The following DGKD variants were observed in gnomAD, a reference collection of about 807,000 sequenced individuals.
The protein encoded by DGKD is diacylglycerol kinase delta.
DGKD carries 68 observed loss-of-function variants against 154.4 expected under a neutral mutation model. That is an observed-to-expected ratio of 0.44 (90% CI 0.36 to 0.54). DGKD has a LOEUF of 0.54. DGKD is among the 20% of genes least tolerant of loss of function. The pLI, the probability that DGKD is intolerant of heterozygous loss-of-function variation, is 0.00. For synonymous variants in DGKD, 693 were observed against 638.0 expected (o/e 1.09, Z -1.30); for missense variants, 1,343 against 1,593.6 (o/e 0.84, Z 2.68).
chr2:233,447,169 G>A (rs1464574924), intron 12 of DGKD, among the ~76,000 whole-genome samples: 3 of 140,460 alleles, frequency 2.1e-5, no homozygotes, highest in Admixed American at 1.4e-4. Context: ...TGCTCTAGCC[G>A]GCTCTGCCGC....
At chr2:233,403,889 C>T (rs189886639) in intron 3 of DGKD, among the ~76,000 whole-genome samples, 1,560 of 152,258 alleles carry the variant, frequency 0.01, 16 homozygotes, top group Non-Finnish European at 0.016. Context: ...ATCCGCCCAC[C>T]TTGGATTCCC....
intron 1 of DGKD, among the ~76,000 whole-genome samples, chr2:233,361,078 T>C (rs1308399369): frequency 6.6e-6 from 1 of 150,516 alleles, no homozygotes; most frequent in African/African-American, 2.5e-5. Flanking sequence ...CACTGGGCCC[T>C]GAACAAAACA....
intron 1 of DGKD, among the ~76,000 whole-genome samples, chr2:233,387,538 G>A (rs1469130213): frequency 1.3e-5 from 2 of 152,230 alleles, no homozygotes; most frequent in South Asian, 2.1e-4. Flanking sequence ...AGGCGGGAGA[G>A]CAGCTCCGGG....
intron 1 of DGKD, among the ~76,000 whole-genome samples, chr2:233,377,331 G>A (rs970185035): frequency 2.0e-5 from 3 of 152,184 alleles, no homozygotes; most frequent in Admixed American, 6.5e-5. Flanking sequence ...TGATCCACCC[G>A]CTTCGGCCTC....
At chr2:233,396,785 C>G (rs1445756841) in intron 3 of DGKD, among the ~76,000 whole-genome samples, 1 of 152,072 alleles carries the variant, frequency 6.6e-6, no homozygotes, top group African/African-American at 2.4e-5. Context: ...CAAATAGGCA[C>G]CTCGGGGATG....
intron 10 of DGKD, among the ~76,000 whole-genome samples, chr2:233,443,888 G>A (rs1194031884): frequency 6.6e-6 from 1 of 152,238 alleles, no homozygotes; most frequent in East Asian, 1.9e-4. Flanking sequence ...TTTGACACCT[G>A]ATGTGGTGGC....
Position 233,438,329 on chromosome 2 carries a change from A to G in DGKD, c.1035A>G (p.Leu345=), listed in dbSNP as rs1472433168. ...GVKFLRRFKQ[L]LNPAQVFDLM... is the part of the protein sequence containing the mutation. ...AGTTCCTCAGAAGATTCAAACAGCTACTAAACCCCGCCCAGGTCTTCGACC... is the reference window on the plus strand; with the variant it reads ...AGTTCCTCAGAAGATTCAAACAGCTGCTAAACCCCGCCCAGGTCTTCGACC... Residue 345 remains leucine (L), a synonymous_variant, in exon 9 of 30, where the codon CTA becomes CTG. Transcript: ENST00000264057. This position sits in a 1 kb window ranked among gnomAD's most constrained non-coding sequence, Gnocchi z 4.1. The G allele has an allele frequency of 1.9e-6, 3 of 1,614,102 alleles. No individual in the cohort carries two copies. Among genetic ancestry groups the G allele is most frequent in the Admixed American group, 1.7e-5 (1 of 60,008 alleles).
At position 233,449,501 on chromosome 2, in the gene DGKD, C is replaced by G; in HGVS notation, c.1888+125C>G. The stretch of plus-strand genomic sequence containing the variant: ...AAACCTCCACTGCGGCCCTCTCCAC[C>G]CATGTCCAGGCACCAGACCCCCAAC... On this transcript the variant is annotated intron_variant, in intron 15 of 29. Coordinates refer to ENST00000264057, the MANE Select transcript of DGKD (RefSeq NM_152879.3). This position sits in a 1 kb window ranked among gnomAD's most constrained non-coding sequence, Gnocchi z 5.3. 7.5e-7 allele frequency: 1 copy of G among 1,334,238 alleles called. No individual in the cohort carries two copies. The highest frequency in any genetic ancestry group is 1.0e-6 in the Non-Finnish European group (1 of 1,001,362). The allele number at this position is 1,334,238 out of a possible 1,614,324, so 82.6% of individuals were successfully genotyped here.
intron 1 of DGKD, 157 bp from the exon 2 acceptor site, chr2:233,388,100 C>A: frequency 6.8e-7 from 1 of 1,470,022 alleles, no homozygotes; most frequent in Non-Finnish European, 9.0e-7. Flanking sequence ...CGGCAGCGTG[C>A]TGGGCCTGTG....
Position 233,437,438 on chromosome 2 carries a change from C to T in DGKD, c.881C>T (p.Ser294Leu), listed in dbSNP as rs1408799133. 2.5e-6 allele frequency: 4 copies of T among 1,614,120 alleles called. No homozygotes were observed. The highest frequency in any genetic ancestry group is 1.3e-5 in the African/African-American group (1 of 74,946). Residue 294 changes from serine (S) to leucine (L), a missense_variant, in exon 8 of 30, where the codon TCA (serine) becomes TTA (leucine). Transcript: ENST00000264057. The part of the protein sequence containing the change: ...TKCPLGLCKV[S>L]VIPPTALNSI... ...TGCCCACTTGGCCTGTGCAAAGTGT[C>T]AGTCATCCCACCCACGGCTCTCAAC... is the stretch of plus-strand genomic sequence containing the variant.
intron 1 of DGKD, among the ~76,000 whole-genome samples, chr2:233,359,028 T>A (rs1299450597): frequency 1.3e-5 from 2 of 152,236 alleles, no homozygotes; most frequent in Admixed American, 1.3e-4. Flanking sequence ...TTCCAATTTT[T>A]CCACATCCTT....
At chr2:233,360,873 A>G (rs1701747485) in intron 1 of DGKD, among the ~76,000 whole-genome samples, 1 of 152,204 alleles carries the variant, frequency 6.6e-6, no homozygotes, top group African/African-American at 2.4e-5. Flanking sequence ...TGGGGCCACC[A>G]GAAGCTGGAA....
intron 1 of DGKD, among the ~76,000 whole-genome samples, chr2:233,369,364 A>C (rs913284490): frequency 1.3e-5 from 2 of 151,990 alleles, no homozygotes; most frequent in Non-Finnish European, 2.9e-5. Flanking sequence ...TTTGTTTTCT[A>C]ATCTTGGTCA....
intron 3 of DGKD, among the ~76,000 whole-genome samples, chr2:233,413,796 A>C (rs946780696): frequency 6.6e-6 from 1 of 152,182 alleles, no homozygotes; most frequent in South Asian, 2.1e-4. Context: ...ATTCTTGGCT[A>C]TGTGCCCAGC....
intron 19 of DGKD, among the ~76,000 whole-genome samples, chr2:233,455,112 T>C (rs1278984926): frequency 1.3e-5 from 2 of 152,204 alleles, no homozygotes; most frequent in Non-Finnish European, 2.9e-5. Flanking sequence ...GTGATGGTGG[T>C]CATTGGAATG....
chr2:233,379,810 C>A (rs1490546354), intron 1 of DGKD: 1 of 152,048 alleles, frequency 6.6e-6, no homozygotes, highest in Non-Finnish European at 1.5e-5. Flanking sequence ...TATTTTATTT[C>A]TATATTATTA....
At position 233,435,819 on chromosome 2, in the gene DGKD, G is replaced by A. The variant is rs773098886; in HGVS notation, c.588G>A (p.Val196=). 5.2e-5 allele frequency: 83 copies of A among 1,610,610 alleles called. No individual in the cohort carries two copies. In the Admixed American group the frequency reaches 1.3e-3, roughly 26 times the overall value. The change falls in exon 6 of 30, where the codon GTG becomes GTA. Residue 196 remains valine, a splice_region_variant and synonymous_variant. Coordinates refer to ENST00000264057, the MANE Select transcript of DGKD (RefSeq NM_152879.3). ...GVTSHGLSCE[V]CKFKAHKRCA... ...GCTCATGTGCCCCTTCTCTCACAGT[G>A]TGCAAATTTAAGGCCCACAAGCGCT...
intron 25 of DGKD, 62 bp downstream of exon 25, chr2:233,462,521 C>T: frequency 6.5e-7 from 1 of 1,543,970 alleles, no homozygotes; most frequent in South Asian, 1.1e-5. Flanking sequence ...TCGGCCCTCC[C>T]CGTGCGTGTT....
intron 9 of DGKD, among the ~76,000 whole-genome samples, chr2:233,439,709 G>A (rs1370700069): frequency 2.6e-5 from 4 of 152,024 alleles, no homozygotes; most frequent in Non-Finnish European, 4.4e-5. Context: ...CTACAGGTGT[G>A]TACCACTATG....
Sources: allele counts gnomAD v4.1 joint callset (sites outside exome capture counted in the v4.1 genomes callset), GRCh38; gene constraint gnomAD v4.1.1; non-coding constraint Gnocchi (gnomAD v3.1); transcripts MANE v1.5; gene names NCBI Gene and HGNC (gene_info 2026-07-23, HGNC 2026-07-21).